The following ITGAL variants were observed in gnomAD, a reference collection of about 807,000 sequenced individuals.
ITGAL encodes the protein integrin alpha-L.
ITGAL carries 68 observed loss-of-function variants against 138.4 expected under a neutral mutation model. The observed-to-expected ratio is 0.49, with a 90% CI of 0.40 to 0.60. ITGAL has a LOEUF of 0.60. Among genes scored for constraint, ITGAL ranks in the 20% least tolerant of loss-of-function variants. The pLI is 0.00. For missense variants in ITGAL, 1,256 were observed against 1,478.6 expected (o/e 0.85, Z 2.47); for synonymous variants, 561 against 584.3 (o/e 0.96, Z 0.57).
chr16:30,521,785 A>T lies in ITGAL; in HGVS notation c.*120A>T. 1 of 942,740 alleles carries T rather than the reference A, an allele frequency of 1.1e-6. No individual in the cohort carries two copies. Among genetic ancestry groups the T allele is most frequent in the Middle Eastern group, 3.4e-4 (1 of 2,922 alleles). The allele number at this position is 942,740 out of a possible 1,614,324, so 58.4% of individuals were successfully genotyped here. A position where few individuals can be genotyped will look rare whatever the true frequency, so the allele number is the denominator to read the frequency against. On this transcript the variant is annotated 3_prime_UTR_variant, in exon 31 of 31. Transcript: ENST00000356798. ...GAGTCACTGCCTCTCCCTGGCCCTC[A>T]GTTTCCCTATCTCGAACATGGAACT...
Position 30,474,287 on chromosome 16 carries a change from G to A in ITGAL, c.153G>A (p.Gln51=), listed in dbSNP as rs555788412. The A allele has an allele frequency of 9.8e-4, 1,566 of 1,604,376 alleles. 22 individuals carry two copies. In the South Asian group the frequency reaches 0.016, roughly 17 times the overall value. The change falls in exon 2 of 31, where the codon CAG becomes CAA. Residue 51 remains glutamine, a synonymous_variant. Transcript: ENST00000356798. The part of the protein sequence containing the change: ...AGRHFGYRVL[Q]VGNGVIVGAP... ...GGCACTTTGGATACCGCGTCCTGCA[G>A]GTCGGAAACGGGTGAGCTGTGCCCC... is the stretch of plus-strand genomic sequence containing the variant.
At position 30,521,713 on chromosome 16, in the gene ITGAL, C is replaced by A; in HGVS notation, c.*48C>A. 6.4e-7 allele frequency: 1 copy of A among 1,572,872 alleles called. No homozygotes were observed. On this transcript the variant is annotated 3_prime_UTR_variant, in exon 31 of 31. Coordinates refer to ENST00000356798, the MANE Select transcript of ITGAL (RefSeq NM_002209.3). ...GTGCCCAGAACTGGACTCAGGATGC[C>A]CAGGGCCACTCTGCCTCTGCCTGCA...
Position 30,516,995 on chromosome 16 carries a change from A to G in ITGAL, c.2885A>G (p.His962Arg). Residue 962 changes from histidine to arginine, a missense_variant, in exon 26 of 31, where the codon CAC becomes CGC. By Grantham distance (29) the His-to-Arg change is conservative (BLOSUM62 0). This residue lies in a region of ITGAL where 867 missense variants were observed against 972.5 expected (regional missense o/e 0.89). Transcript: ENST00000356798. ...CAGGTGAGGATCCAGCCTTCCATCC[A>G]CGACCACAACATACCCACCCTGGAG... is the stretch of plus-strand genomic sequence containing the variant. ...MYQVRIQPSI[H>R]DHNIPTLEAV... 8 of 1,613,682 alleles carry G rather than the reference A, an allele frequency of 5.0e-6. No homozygotes were observed. The highest frequency in any genetic ancestry group is 6.8e-6 in the Non-Finnish European group (8 of 1,179,650).
rs1457247312 is a variant in ITGAL at position 30,479,445 on chromosome 16, G to A, written c.560G>A (p.Ser187Asn). ...ATGAAGGATGTGATGAAGAAACTCA[G>A]CAACACTTCGTACCAGGTAAAAAAG... The part of the protein sequence containing the change: ...DFMKDVMKKL[S>N]NTSYQFAAVQ... The change falls in exon 6 of 31, where the codon AGC becomes AAC. Residue 187 changes from serine (S) to asparagine (N), a missense_variant. This residue lies in a region of ITGAL where 177 missense variants were observed against 288.8 expected (regional missense o/e 0.61). Coordinates refer to ENST00000356798, the MANE Select transcript of ITGAL (RefSeq NM_002209.3). 1 of 1,614,068 alleles carries A rather than the reference G, an allele frequency of 6.2e-7. No individual in the cohort carries two copies. The highest frequency in any genetic ancestry group is 1.1e-5 in the South Asian group (1 of 91,080).
At chr16:30,518,020 T>C (rs1350192676) in intron 28 of ITGAL, 125 bp downstream of exon 28, 3 of 736,934 alleles carry the variant, frequency 4.1e-6, no homozygotes, top group Non-Finnish European at 7.2e-6. Flanking sequence ...AAAAATCCCA[T>C]TTACACAGTC....
intron 21 of ITGAL, among the ~76,000 whole-genome samples, chr16:30,507,393 G>T (rs2051018262): frequency 6.7e-6 from 1 of 150,084 alleles, no homozygotes; most frequent in South Asian, 2.1e-4. Flanking sequence ...CCAGGGGGCG[G>T]AGCCTGCAGC....
At chr16:30,479,018 A>T in intron 4 of ITGAL, 73 bp from the exon 5 acceptor site, 3 of 1,081,650 alleles carry the variant, frequency 2.8e-6, no homozygotes, top group Non-Finnish European at 4.3e-6. Flanking sequence ...GAACGTTCCT[A>T]GTTTTGGTTG....
chr16:30,481,391 A>C (rs751278182), intron 6 of ITGAL, 48 bp from the exon 7 acceptor site: 1 of 1,372,224 alleles, frequency 7.3e-7, no homozygotes, highest in Non-Finnish European at 1.0e-6. Flanking sequence ...GAACAGACAA[A>C]TGGAAAGGGA....
In ITGAL at chr16:30,517,807, C is replaced by T. The variant is rs1236675403; in HGVS notation, c.3044C>T (p.Pro1015Leu). 2 of 1,614,162 alleles carry T rather than the reference C, an allele frequency of 1.2e-6. No individual in the cohort carries two copies. The highest frequency in any genetic ancestry group is 1.7e-6 in the Non-Finnish European group (2 of 1,180,016). The change falls in exon 28 of 31, where the codon CCC (proline) becomes CTC (leucine). Residue 1015 changes from proline (P) to leucine (L), a missense_variant. This residue lies in a region of ITGAL where 867 missense variants were observed against 972.5 expected (regional missense o/e 0.89). Transcript: ENST00000356798. ...RLPDAAEPCL[P>L]GALFRCPVVF... ...CCTCATCCTTGTCAGCCTTGTCTCCCCGGAGCCCTGTTCCGCTGCCCTGTT... is the reference window on the plus strand; with the variant it reads ...CCTCATCCTTGTCAGCCTTGTCTCCTCGGAGCCCTGTTCCGCTGCCCTGTT...
In ITGAL at chr16:30,494,375, C is replaced by A; in HGVS notation, c.1365+12C>A. ...TCCATGGGACCCAGGTGCGCCCAGT[C>A]CGAGGGCATCTGCAGACCAGGGACT... On this transcript the variant is annotated intron_variant, in intron 12 of 30. Transcript: ENST00000356798. This position sits in a 1 kb window ranked among gnomAD's most constrained non-coding sequence, Gnocchi z 4.2. The A allele has an allele frequency of 6.3e-7, 1 of 1,590,258 alleles. No individual in the cohort carries two copies. The highest frequency in any genetic ancestry group is 8.6e-7 in the Non-Finnish European group (1 of 1,163,800).
chr16:30,519,843 C>G lies in ITGAL; in HGVS notation c.3229-14C>G. The G allele has an allele frequency of 1.3e-6, 2 of 1,580,748 alleles. No individual in the cohort carries two copies. Among genetic ancestry groups the G allele is most frequent in the Non-Finnish European group, 8.7e-7 (1 of 1,149,666 alleles). ...AAAAGGCATTTTCCGGCACTCCCCT[C>G]CCCCTGCTCCCAGGTTGTCATGAAG... On this transcript the variant is annotated splice_polypyrimidine_tract_variant and intron_variant, in intron 29 of 30. Coordinates refer to ENST00000356798, the MANE Select transcript of ITGAL (RefSeq NM_002209.3).
chr16:30,521,380 C>T, intron 30 of ITGAL, 112 bp from the exon 31 acceptor site: 1 of 891,250 alleles, frequency 1.1e-6, no homozygotes, highest in Non-Finnish European at 1.7e-6. Flanking sequence ...GCACTCCAGC[C>T]TGGGCAACAC....
chr16:30,501,437 C>T (rs1394169120), intron 17 of ITGAL, among the ~76,000 whole-genome samples: 2 of 151,642 alleles, frequency 1.3e-5, no homozygotes, highest in South Asian at 4.2e-4. Flanking sequence ...ATTAGCTGGG[C>T]GTGGTGGCCC....
chr16:30,490,215 G>A (rs111556328), intron 11 of ITGAL, among the ~76,000 whole-genome samples: 14 of 125,350 alleles, frequency 1.1e-4, no homozygotes, highest in African/African-American at 2.4e-4. Context: ...ATGACAGAGC[G>A]AGACTCCGTC....
Position 30,519,929 on chromosome 16 carries a change from C to G in ITGAL, c.3301C>G (p.Leu1101Val). 1.2e-6 allele frequency: 2 copies of G among 1,602,382 alleles called. No individual in the cohort carries two copies. The highest frequency in any genetic ancestry group is 3.3e-5 in the Admixed American group (2 of 59,832). ...CTACGTGCTGAGCGGCATCGGGGGG[C>G]TGCTGCTGCTGCTGCTCATTTTCAT... Reference protein sequence around the residue: ...YLYVLSGIGGLLLLLLIFIVL... With the variant: ...YLYVLSGIGGVLLLLLIFIVL... The change falls in exon 30 of 31, where the codon CTG (leucine) becomes GTG (valine). Residue 1101 changes from leucine to valine, a missense_variant. This residue lies in a region of ITGAL where 867 missense variants were observed against 972.5 expected (regional missense o/e 0.89). Coordinates refer to ENST00000356798, the MANE Select transcript of ITGAL (RefSeq NM_002209.3).
At position 30,477,895 on chromosome 16, in the gene ITGAL, CA is replaced by C. The variant is rs1567462120; in HGVS notation, c.328-1194del. On this transcript the variant is annotated intron_variant, in intron 4 of 30. Transcript: ENST00000356798. ...GAGTGAGACCTGAAAAGAAAGAAAG[CA>C]AGGAAAGAAAGCAAGAAAGCAAAGA... Among the ~76,000 whole-genome samples the C allele has an allele frequency of 2.1e-5, 3 of 140,652 alleles. No individual in the cohort carries two copies. The East Asian group carries it at 6.3e-4, about 30-fold the overall frequency. 92.3% of individuals were successfully genotyped at this position (140,652 alleles called of 152,430 possible).
At chr16:30,514,687 G>C (rs2051140718) in intron 25 of ITGAL, among the ~76,000 whole-genome samples, 1 of 152,100 alleles carries the variant, frequency 6.6e-6, no homozygotes, top group Admixed American at 6.6e-5. Flanking sequence ...GCCTCCCAAA[G>C]TACTAGGACT....
At chr16:30,482,555 G>A (rs1452533979) in intron 7 of ITGAL, among the ~76,000 whole-genome samples, 1 of 152,128 alleles carries the variant, frequency 6.6e-6, no homozygotes, top group Non-Finnish European at 1.5e-5. Context: ...AAGGGCGGGT[G>A]GAAGTGATAG....
At chr16:30,503,066 C>T (rs984426431) in intron 17 of ITGAL, among the ~76,000 whole-genome samples, 2 of 152,044 alleles carry the variant, frequency 1.3e-5, no homozygotes, top group South Asian at 2.1e-4. Flanking sequence ...CCACCCACCT[C>T]GGCATCCCAA....
Sources: allele counts gnomAD v4.1 joint callset (sites outside exome capture counted in the v4.1 genomes callset), GRCh38; gene constraint gnomAD v4.1.1; regional missense constraint gnomAD v4.1.1; non-coding constraint Gnocchi (gnomAD v3.1); transcripts MANE v1.5; gene names NCBI Gene and HGNC (gene_info 2026-07-23, HGNC 2026-07-21).